The following RNF220 variants were observed in gnomAD, a reference collection of about 807,000 sequenced individuals.
RNF220 encodes ring finger protein 220, also known as E3 ubiquitin-protein ligase RNF220.
RNF220 carries 7 observed loss-of-function variants against 67.1 expected under a neutral mutation model. That is an observed-to-expected ratio of 0.10 (90% confidence interval 0.06 to 0.20). The LOEUF (loss-of-function observed/expected upper bound fraction) is 0.20. RNF220 is among the 10% of genes least tolerant of loss of function. The pLI is 1.00. For synonymous variants in RNF220, 270 were observed against 283.2 expected, an observed-to-expected ratio of 0.95 and a Z score of 0.47; for missense variants, 565 against 740.3, an observed-to-expected ratio of 0.76 and a Z score of 2.75.
chr1:44,631,847 GGGGAGGC>G, intron 5 of RNF220: 1 of 954,852 alleles, frequency 1.0e-6, no homozygotes. Flanking sequence ...GAGGGACCCC[GGGGAGGC>G]TTCTGCCGGT....
At chr1:44,617,298 C>G (rs1267397428) in intron 3 of RNF220, among the ~76,000 whole-genome samples, 5 of 152,088 alleles carry the variant, frequency 3.3e-5, no homozygotes, top group Admixed American at 6.5e-5. Context: ...TTGGACCGGC[C>G]GGCAAAGGCG....
intron 2 of RNF220, among the ~76,000 whole-genome samples, chr1:44,536,251 C>T (rs1366623000): frequency 6.6e-6 from 1 of 152,160 alleles, no homozygotes; most frequent in East Asian, 1.9e-4. Flanking sequence ...GAGGCAGAAA[C>T]GAACTCTTTG....
intron 8 of RNF220, among the ~76,000 whole-genome samples, chr1:44,637,158 C>T (rs939064096): frequency 2.0e-5 from 3 of 152,220 alleles, no homozygotes; most frequent in African/African-American, 7.2e-5. Context: ...TTCGTGGGGC[C>T]GTGCTACCTG....
At chr1:44,443,233 G>C (rs1572517397) in intron 2 of RNF220, among the ~76,000 whole-genome samples, 2 of 152,284 alleles carry the variant, frequency 1.3e-5, no homozygotes, top group South Asian at 4.1e-4. Flanking sequence ...ATCTCCCTTT[G>C]TATTGCCTAT....
rs551251436 is a variant in RNF220, at chr1:44,632,484, T to C, written c.949+99T>C. On this transcript the variant is annotated intron_variant, in intron 6 of 14. Coordinates refer to ENST00000361799, the MANE Select transcript of RNF220 (RefSeq NM_018150.4). ...TGGCTTGCCTGGGTCTCTTCGACTC[T>C]GGGGCCCGTTGGCTTCTTCGCAGTC... 97 of 1,120,366 alleles carry C rather than the reference T, an allele frequency of 8.7e-5. No homozygotes were observed. In the African/African-American group the frequency reaches 1.2e-3, roughly 14 times the overall value. 69.4% of individuals were successfully genotyped at this position (1,120,366 alleles called of 1,614,324 possible). A position where few individuals can be genotyped will look rare whatever the true frequency, so the allele number is the denominator to read the frequency against.
intron 2 of RNF220, among the ~76,000 whole-genome samples, chr1:44,609,107 T>C (rs910175075): frequency 3.3e-5 from 5 of 152,158 alleles, no homozygotes; most frequent in African/African-American, 1.2e-4. Context: ...TGCTTGAAGT[T>C]CCTGTTTCTT....
chr1:44,610,279 C>T (rs991815406), intron 2 of RNF220, among the ~76,000 whole-genome samples: 1 of 152,242 alleles, frequency 6.6e-6, no homozygotes, highest in Non-Finnish European at 1.5e-5. Flanking sequence ...GTCCCATTTC[C>T]TCGTTATCAG....
chr1:44,498,032 T>C (rs1157950494), intron 2 of RNF220, among the ~76,000 whole-genome samples: 2 of 152,178 alleles, frequency 1.3e-5, no homozygotes, highest in Non-Finnish European at 1.5e-5. Context: ...GCTGGAGCCA[T>C]GGATCAGCCA....
intron 8 of RNF220, 34 bp from the exon 9 acceptor site, chr1:44,644,664 T>C (rs767475531): frequency 6.3e-7 from 1 of 1,578,270 alleles, no homozygotes; most frequent in South Asian, 1.1e-5. Context: ...CCTCGTCTTG[T>C]CCCCAGGCCC....
chr1:44,626,304 T>C lies in RNF220; in HGVS notation c.812T>C (p.Leu271Pro), dbSNP rs767702477. The C allele has an allele frequency of 2.5e-5, 40 of 1,613,830 alleles. No homozygotes were observed. Among genetic ancestry groups the C allele is most frequent in the Non-Finnish European group, 3.3e-5 (39 of 1,179,816 alleles). ...TCTTTTTTCTTCTTCCAGTCCCTCC[T>C]GTTGTCTGCTTCCATCAAGAGGGAA... ...AMAPGTPKSL[L>P]LSASIKREGE... The change falls in exon 5 of 15, where the codon CTG (leucine) becomes CCG (proline). Residue 271 changes from leucine to proline, a missense_variant. Leu to Pro is a moderately conservative substitution (Grantham distance 98). Transcript: ENST00000361799.
At chr1:44,587,812 T>C (rs1665818211) in intron 2 of RNF220, among the ~76,000 whole-genome samples, 1 of 152,214 alleles carries the variant, frequency 6.6e-6, no homozygotes, top group Non-Finnish European at 1.5e-5. Context: ...GACAAATGCT[T>C]GTAAAGCACC....
intron 2 of RNF220, among the ~76,000 whole-genome samples, chr1:44,537,957 A>G (rs769268748): frequency 2.0e-5 from 3 of 152,204 alleles, no homozygotes; most frequent in Non-Finnish European, 2.9e-5. Context: ...TCTCAAACCT[A>G]TACTTCCAGA....
chr1:44,649,876 T>G lies in RNF220; in HGVS notation c.1555-7T>G. The G allele has an allele frequency of 6.2e-7, 1 of 1,613,926 alleles. No individual in the cohort carries two copies. The highest frequency in any genetic ancestry group is 8.5e-7 in the Non-Finnish European group (1 of 1,179,928). On this transcript the variant is annotated splice_region_variant and splice_polypyrimidine_tract_variant and intron_variant, in intron 13 of 14. Transcript: ENST00000361799. The surrounding 1 kb of genome is among the most constrained non-coding windows in gnomAD (Gnocchi z 5.9). ...GAGTGACCCCTTCTCTGCCCCCTCC[T>G]CCCTAGGACTCGTACTCGATGCCCC...
intron 2 of RNF220, among the ~76,000 whole-genome samples, chr1:44,482,642 G>GA (rs1338895488): frequency 6.6e-6 from 1 of 150,592 alleles, no homozygotes; most frequent in Non-Finnish European, 1.5e-5. Context: ...TTTTTTTTTA[G>GA]ACAGAGTCTT....
intron 2 of RNF220, among the ~76,000 whole-genome samples, chr1:44,472,176 CATTGCTGTACAA>C (rs1388212009): frequency 1.5e-4 from 23 of 152,274 alleles, no homozygotes; most frequent in African/African-American, 5.3e-4. Flanking sequence ...TTGCTGTGCA[CATTGCTGTACAA>C]GTTTTTGTGT....
At chr1:44,632,624 G>T (rs556298047) in intron 6 of RNF220, 1 of 585,156 alleles carries the variant, frequency 1.7e-6, no homozygotes, top group East Asian at 2.8e-5. Flanking sequence ...GAAGAACCCT[G>T]GGGGGGCAAT....
intron 2 of RNF220, among the ~76,000 whole-genome samples, chr1:44,515,953 A>G (rs1372919763): frequency 6.6e-6 from 1 of 152,212 alleles, no homozygotes; most frequent in Non-Finnish European, 1.5e-5. Context: ...TCTGGGTATC[A>G]CTTGGCTTGC....
intron 2 of RNF220, among the ~76,000 whole-genome samples, chr1:44,557,086 C>CAT (rs1663154349): frequency 6.7e-6 from 1 of 148,884 alleles, no homozygotes; most frequent in African/African-American, 2.5e-5. Context: ...AATCCACATA[C>CAT]ATATATATGT....
chr1:44,440,730 A>T (rs1651461492), intron 2 of RNF220, among the ~76,000 whole-genome samples: 1 of 152,226 alleles, frequency 6.6e-6, no homozygotes, highest in Non-Finnish European at 1.5e-5. Flanking sequence ...GATGGAAAGA[A>T]TTCTGACTAA....
Sources: gnomAD v4.1 joint callset for allele counts (sites outside exome capture counted in the v4.1 genomes callset) on GRCh38, gnomAD v4.1.1 for gene constraint, Gnocchi (gnomAD v3.1) non-coding constraint, MANE v1.5 for transcripts, NCBI Gene and HGNC (gene_info 2026-07-23, HGNC 2026-07-21) for gene names.